Variants in PLD2 observed in about 807,000 individuals in gnomAD.
PLD2 encodes the protein choline phosphatase 2.
A neutral mutation model predicts 119.8 loss-of-function variants in PLD2; 101 were observed. That is an observed-to-expected ratio of 0.84 (90% CI 0.72 to 0.99). PLD2 has a LOEUF of 0.99. Among genes scored for constraint, PLD2 ranks in the 50% least tolerant of loss-of-function variants. The probability of loss-of-function intolerance (pLI) is 0.00; values close to 1 mark genes in which losing one functional copy is unlikely to be tolerated. For synonymous variants in PLD2, 494 were observed against 482.8 expected (o/e 1.02, Z -0.30); for missense variants, 1,164 against 1,226.8 (o/e 0.95, Z 0.76).
chr17:4,813,775 C>T (rs1245189717), intron 10 of PLD2, among the ~76,000 whole-genome samples: 1 of 152,158 alleles, frequency 6.6e-6, no homozygotes, highest in Non-Finnish European at 1.5e-5. Context: ...AGGAAAATTG[C>T]TTGAACCCAA....
In PLD2 at chr17:4,822,957, T is replaced by G; in HGVS notation, c.*93T>G. 1 of 697,442 alleles carries G rather than the reference T, an allele frequency of 1.4e-6. No individual in the cohort carries two copies. Among genetic ancestry groups the G allele is most frequent in the Non-Finnish European group, 2.5e-6 (1 of 406,238 alleles). The allele number at this position is 697,442 out of a possible 1,614,324, so 43.2% of individuals were successfully genotyped here. On this transcript the variant is annotated 3_prime_UTR_variant, in exon 25 of 25. Coordinates refer to ENST00000263088, the MANE Select transcript of PLD2 (RefSeq NM_002663.5). ...ACCCCAAGGACTGAGGGCAGTGCCCTTTGAGATCTGGGGAGGCAGGCATTC... is the reference window on the plus strand; with the variant it reads ...ACCCCAAGGACTGAGGGCAGTGCCCGTTGAGATCTGGGGAGGCAGGCATTC...
Position 4,821,853 on chromosome 17 carries a change from C to A in PLD2, c.2523C>A (p.Asp841Glu). Residue 841 changes from aspartate to glutamate, a missense_variant, in exon 24 of 25, where the codon GAC becomes GAA. Asp to Glu is a conservative substitution (Grantham distance 45). Coordinates refer to ENST00000263088, the MANE Select transcript of PLD2 (RefSeq NM_002663.5). ...DLDLRDPICD[D>E]FFQLWQDMAE... is the part of the protein sequence containing the mutation. The stretch of plus-strand genomic sequence containing the variant: ...ATCTCCGAGACCCCATCTGTGATGA[C>A]TTCTTCCAGTTGTGGCAAGACATGG... The A allele has an allele frequency of 6.2e-7, 1 of 1,614,024 alleles. No homozygotes were observed. Among genetic ancestry groups the A allele is most frequent in the Non-Finnish European group, 8.5e-7 (1 of 1,179,988 alleles).
intron 24 of PLD2, 55 bp downstream of exon 24, chr17:4,821,962 C>G: frequency 8.8e-7 from 1 of 1,133,276 alleles, no homozygotes; most frequent in Non-Finnish European, 1.3e-6. Context: ...GTGGATTATC[C>G]TGCTCAGGGT....
Position 4,818,577 on chromosome 17 carries a change from C to G in PLD2, c.2093C>G (p.Ser698Cys). The part of the protein sequence containing the change: ...EGDISTGGGN[S>C]IQAILHFTYR... Reference sequence around the variant, plus strand: ...GACATCTCCACGGGCGGTGGCAACTCCATCCAGGCCATTCTGCACTTTACT... The same window carrying G: ...GACATCTCCACGGGCGGTGGCAACTGCATCCAGGCCATTCTGCACTTTACT... Residue 698 changes from serine (S) to cysteine (C), a missense_variant, in exon 20 of 25, where the codon TCC (serine) becomes TGC (cysteine). Transcript: ENST00000263088. 6.2e-7 allele frequency: 1 copy of G among 1,613,800 alleles called. No individual in the cohort carries two copies. Among genetic ancestry groups the G allele is most frequent in the Non-Finnish European group, 8.5e-7 (1 of 1,179,766 alleles).
At chr17:4,812,441 T>A (rs1011651643) in intron 10 of PLD2, among the ~76,000 whole-genome samples, 2 of 151,972 alleles carry the variant, frequency 1.3e-5, no homozygotes, top group Admixed American at 6.6e-5. Flanking sequence ...ATTACAGGCA[T>A]ATGCCACCAT....
rs535792846 is a variant in PLD2, at chr17:4,807,243, G to A, written c.-2+18G>A. 243 of 152,220 alleles carry A rather than the reference G, an allele frequency of 1.6e-3. 1 individual carries two copies. The highest frequency in any genetic ancestry group is 2.7e-3 in the Non-Finnish European group (184 of 68,020). 9.4% of individuals were successfully genotyped at this position (152,220 alleles called of 1,614,324 possible). A position where few individuals can be genotyped will look rare whatever the true frequency, so the allele number is the denominator to read the frequency against. On this transcript the variant is annotated intron_variant, in intron 1 of 24. Coordinates refer to ENST00000263088, the MANE Select transcript of PLD2 (RefSeq NM_002663.5). This position sits in a 1 kb window ranked among gnomAD's most constrained non-coding sequence, Gnocchi z 5.4. ...CTGCCAGGGTGAGGGGGCCGGGAAGGGGCGCGCGGGGGTCCCGGGTCTCGG... is the reference window on the plus strand; with the variant it reads ...CTGCCAGGGTGAGGGGGCCGGGAAGAGGCGCGCGGGGGTCCCGGGTCTCGG...
rs141365724 is a variant in PLD2 at position 4,819,395 on chromosome 17, C to T, written c.2309-34C>T. On this transcript the variant is annotated intron_variant, in intron 22 of 24. Coordinates refer to ENST00000263088, the MANE Select transcript of PLD2 (RefSeq NM_002663.5). The surrounding 1 kb of genome is among the most constrained non-coding windows in gnomAD (Gnocchi z 4.2). ...GGGGTACTGGGGAGAGTGCCCTGGGCCCAAGCACACAGTGTGCCCCGCATC... is the reference window on the plus strand; with the variant it reads ...GGGGTACTGGGGAGAGTGCCCTGGGTCCAAGCACACAGTGTGCCCCGCATC... 1.0e-4 allele frequency: 161 copies of T among 1,610,618 alleles called. No homozygotes were observed. In the South Asian group the frequency reaches 1.2e-3, roughly 12 times the overall value.
chr17:4,819,026 G>A lies in PLD2; in HGVS notation c.2174-58G>A, dbSNP rs1597335791. The A allele has an allele frequency of 2.5e-6, 4 of 1,603,824 alleles. No individual in the cohort carries two copies. In the South Asian group the frequency reaches 3.4e-5, roughly 13 times the overall value. On this transcript the variant is annotated intron_variant, in intron 21 of 24. Coordinates refer to ENST00000263088, the MANE Select transcript of PLD2 (RefSeq NM_002663.5). The surrounding 1 kb of genome is among the most constrained non-coding windows in gnomAD (Gnocchi z 4.2). Reference sequence around the variant, plus strand: ...GAGTTTCTGGAGTGAGAGGAGGTGGGACAGGGCCCTGTGCACACAGAGCCA... The same window carrying A: ...GAGTTTCTGGAGTGAGAGGAGGTGGAACAGGGCCCTGTGCACACAGAGCCA...
In PLD2 at chr17:4,823,090, C is replaced by G. The variant is rs574839783; in HGVS notation, c.*226C>G. 168 of 537,784 alleles carry G rather than the reference C, an allele frequency of 3.1e-4. No individual in the cohort carries two copies. Among genetic ancestry groups the G allele is most frequent in the African/African-American group, 2.9e-3 (152 of 53,176 alleles). The allele number at this position is 537,784 out of a possible 1,614,324, so 33.3% of individuals were successfully genotyped here. A position where few individuals can be genotyped will look rare whatever the true frequency, so the allele number is the denominator to read the frequency against. ...AGGAGAGAGTCCCAGAGCTCATCCC[C>G]CCTGCTGCCCAGTGCAAACCACTTC... On this transcript the variant is annotated 3_prime_UTR_variant, in exon 25 of 25. Transcript: ENST00000263088.
chr17:4,817,697 G>A (rs938708414), intron 17 of PLD2, among the ~76,000 whole-genome samples: 22 of 148,780 alleles, frequency 1.5e-4, no homozygotes, highest in Admixed American at 1.0e-3. Flanking sequence ...AGTGGCTTAC[G>A]CCTGTAATCC....
In PLD2 at chr17:4,816,656, G is replaced by C; in HGVS notation, c.1492G>C (p.Asp498His). 3.1e-6 allele frequency: 5 copies of C among 1,614,008 alleles called. No homozygotes were observed. Among genetic ancestry groups the C allele is most frequent in the Non-Finnish European group, 4.2e-6 (5 of 1,179,978 alleles). ...GCGCCCAGACTCACCAGCCACCCCA[G>C]ACCTCTCTCACAACCAATTCTTCTG... ...TPRPDSPATP[D>H]LSHNQFFWLG... The change falls in exon 15 of 25, where the codon GAC (aspartate) becomes CAC (histidine). Residue 498 changes from aspartate (D) to histidine (H), a missense_variant. By Grantham distance (81) the Asp-to-His change is moderately conservative (BLOSUM62 -1). Coordinates refer to ENST00000263088, the MANE Select transcript of PLD2 (RefSeq NM_002663.5).
chr17:4,820,145 T>TGTTGGTCAG (rs1210905416), intron 23 of PLD2, among the ~76,000 whole-genome samples: 2 of 151,182 alleles, frequency 1.3e-5, no homozygotes, highest in Non-Finnish European at 2.9e-5. Flanking sequence ...GGTTTCGCCG[T>TGTTGGTCAG]GTTGGTCAGG....
intron 20 of PLD2, 33 bp from the exon 21 acceptor site, chr17:4,818,741 C>G (rs1907307577): frequency 1.2e-6 from 2 of 1,613,516 alleles, no homozygotes; most frequent in Non-Finnish European, 1.7e-6. Context: ...CCTCTGCCAG[C>G]CTCCACTTCT....
At chr17:4,811,558 G>A (rs1429637502) in intron 10 of PLD2, among the ~76,000 whole-genome samples, 6 of 152,070 alleles carry the variant, frequency 3.9e-5, no homozygotes, top group African/African-American at 1.2e-4. Flanking sequence ...GATTACAGGC[G>A]TGAGCCACCG....
At chr17:4,816,063 TG>T in intron 14 of PLD2, 129 bp downstream of exon 14, 2 of 731,252 alleles carry the variant, frequency 2.7e-6, no homozygotes, top group Non-Finnish European at 4.7e-6. Context: ...TCAGACTTTC[TG>T]GGACTCCAAG....
Position 4,808,309 on chromosome 17 carries a change from T to C in PLD2, c.276T>C (p.Thr92=). ...GTCTLYSVRL[T]HGDFSWTTKK... Reference sequence around the variant, plus strand: ...GCACTCTGTATTCTGTCCGCTTGACTCACGGCGACTTTTCCTGGACAACCA... The same window carrying C: ...GCACTCTGTATTCTGTCCGCTTGACCCACGGCGACTTTTCCTGGACAACCA... The change falls in exon 4 of 25, where the codon ACT becomes ACC. Residue 92 remains threonine, a synonymous_variant. Coordinates refer to ENST00000263088, the MANE Select transcript of PLD2 (RefSeq NM_002663.5). The surrounding 1 kb of genome is among the most constrained non-coding windows in gnomAD (Gnocchi z 4.1). 1 of 1,614,122 alleles carries C rather than the reference T, an allele frequency of 6.2e-7. No homozygotes were observed. The highest frequency in any genetic ancestry group is 8.5e-7 in the Non-Finnish European group (1 of 1,179,982).
chr17:4,815,797 G>A lies in PLD2; in HGVS notation c.1318G>A (p.Ala440Thr). Residue 440 changes from alanine (A) to threonine (T), a missense_variant, in exon 14 of 25, where the codon GCC becomes ACC. Transcript: ENST00000263088. ...MRHPDQVTLW[A>T]HHEKLLVVDQ... ...TCACCCAGACCAAGTGACGTTGTGG[G>A]CCCATCATGAGAAGCTCCTGGTGGT... 1 of 1,614,000 alleles carries A rather than the reference G, an allele frequency of 6.2e-7. No individual in the cohort carries two copies. Among genetic ancestry groups the A allele is most frequent in the Middle Eastern group, 1.6e-4 (1 of 6,062 alleles).
chr17:4,821,791 A>G lies in PLD2; in HGVS notation c.2463-2A>G, dbSNP rs776254975. Reference sequence around the variant, plus strand: ...CCCTGCTGGGACCCCTTTCTCCTATAGTGTGATTCTTGGAGCAAATACCCG... The same window carrying G: ...CCCTGCTGGGACCCCTTTCTCCTATGGTGTGATTCTTGGAGCAAATACCCG... On this transcript the variant is annotated splice_acceptor_variant, in intron 23 of 24. Transcript: ENST00000263088. LOFTEE classifies it high-confidence loss of function. 1 of 1,605,664 alleles carries G rather than the reference A, an allele frequency of 6.2e-7. No homozygotes were observed. Among genetic ancestry groups the G allele is most frequent in the Non-Finnish European group, 8.5e-7 (1 of 1,172,428 alleles).
intron 9 of PLD2, 77 bp from the exon 10 acceptor site, chr17:4,810,725 G>GC: frequency 1.2e-6 from 1 of 802,618 alleles, no homozygotes; most frequent in Non-Finnish European, 1.8e-6. Flanking sequence ...GGGAGGAAGT[G>GC]GGAAAGGGGA....
Sources: gnomAD v4.1 joint callset for allele counts (sites outside exome capture counted in the v4.1 genomes callset) on GRCh38, gnomAD v4.1.1 for gene constraint, Gnocchi (gnomAD v3.1) non-coding constraint, MANE v1.5 for transcripts, NCBI Gene and HGNC (gene_info 2026-07-23, HGNC 2026-07-21) for gene names.